DPYD: variants seen among roughly 807,000 people sequenced by gnomAD.
DPYD encodes the protein dihydropyrimidine dehydrogenase [NADP(+)].
A neutral mutation model predicts 116.2 loss-of-function variants in DPYD; 109 were observed. The ratio of observed to expected loss-of-function variants is 0.94; its 90% confidence interval spans 0.80 to 1.10. The LOEUF (loss-of-function observed/expected upper bound fraction) is 1.10, where lower values mean the gene tolerates loss of function less well. Among genes scored for constraint, DPYD ranks in the 50% least tolerant of loss-of-function variants. The probability of loss-of-function intolerance (pLI) is 0.00; values close to 1 mark genes in which losing one functional copy is unlikely to be tolerated. For synonymous variants in DPYD, 440 were observed against 432.0 expected (o/e 1.02, Z -0.23); for missense variants, 1,302 against 1,254.5 (o/e 1.04, Z -0.57).
chr1:97,235,095 C>T, intron 18 of DPYD, 101 bp from the exon 19 acceptor site: 1 of 1,353,400 alleles, frequency 7.4e-7, no homozygotes, highest in Non-Finnish European at 1.0e-6. Context: ...CGTCACTGGA[C>T]AAATTTCAAA....
At chr1:97,841,920 G>A (rs1185406945) in intron 2 of DPYD, among the ~76,000 whole-genome samples, 1 of 151,824 alleles carries the variant, frequency 6.6e-6, no homozygotes, top group East Asian at 1.9e-4. Context: ...GGCTTAAACA[G>A]AGTCTGACCC....
intron 3 of DPYD, among the ~76,000 whole-genome samples, chr1:97,751,442 G>A (rs1664885122): frequency 5.7e-5 from 2 of 35,362 alleles, no homozygotes; most frequent in Non-Finnish European, 1.1e-4. Flanking sequence ...GTGTGTGTGT[G>A]TGTGTGTGTG....
chr1:97,617,558 G>A (rs1352525129), intron 8 of DPYD, among the ~76,000 whole-genome samples: 2 of 152,140 alleles, frequency 1.3e-5, no homozygotes, highest in East Asian at 1.9e-4. Flanking sequence ...AACATTGAGA[G>A]TAAGTTCAGG....
chr1:97,121,021 A>G (rs921418127), intron 20 of DPYD, among the ~76,000 whole-genome samples: 1 of 152,176 alleles, frequency 6.6e-6, no homozygotes, highest in Non-Finnish European at 1.5e-5. Flanking sequence ...GGATCATAAA[A>G]TAACTCTGGT....
intron 12 of DPYD, among the ~76,000 whole-genome samples, chr1:97,530,383 A>G (rs1046920198): frequency 1.3e-5 from 2 of 151,560 alleles, no homozygotes; most frequent in Non-Finnish European, 2.9e-5. Flanking sequence ...ACGCCAGGCT[A>G]ATTTTTTGTA....
chr1:97,416,256 A>C (rs1269303165), intron 14 of DPYD, among the ~76,000 whole-genome samples: 1 of 152,208 alleles, frequency 6.6e-6, no homozygotes, highest in Non-Finnish European at 1.5e-5. Context: ...TTTGCCAACA[A>C]GGAATAAATT....
chr1:97,833,560 C>A (rs1005585943), intron 2 of DPYD, among the ~76,000 whole-genome samples: 1 of 152,116 alleles, frequency 6.6e-6, no homozygotes, highest in East Asian at 1.9e-4. Flanking sequence ...TGTCTACAGG[C>A]TAAGTCCTTA....
intron 5 of DPYD, among the ~76,000 whole-genome samples, chr1:97,699,905 T>G (rs1307174941): frequency 6.6e-6 from 1 of 152,094 alleles, no homozygotes; most frequent in African/African-American, 2.4e-5. Context: ...GAATGAATGT[T>G]AGTTCCCTGA....
chr1:97,439,329 T>C (rs375612802), intron 14 of DPYD, among the ~76,000 whole-genome samples: 2 of 152,290 alleles, frequency 1.3e-5, no homozygotes, highest in East Asian at 3.9e-4. Flanking sequence ...AAGGTATGTA[T>C]AGAACTGGCA....
At chr1:97,353,971 G>A (rs1233799540) in intron 16 of DPYD, among the ~76,000 whole-genome samples, 2 of 152,188 alleles carry the variant, frequency 1.3e-5, no homozygotes, top group Non-Finnish European at 2.9e-5. Context: ...GTCCAGATGA[G>A]GCCACTGACT....
chr1:97,230,152 T>G (rs910065028), intron 19 of DPYD, among the ~76,000 whole-genome samples: 1 of 152,160 alleles, frequency 6.6e-6, no homozygotes, highest in African/African-American at 2.4e-5. Context: ...CAAAGGAATA[T>G]AAATCATCCC....
At chr1:97,151,972 C>T (rs2101720733) in intron 20 of DPYD, among the ~76,000 whole-genome samples, 1 of 152,298 alleles carries the variant, frequency 6.6e-6, no homozygotes, top group Non-Finnish European at 1.5e-5. Context: ...AAGCTCTCTT[C>T]AGCCTGTCCT....
intron 18 of DPYD, among the ~76,000 whole-genome samples, chr1:97,291,603 C>T (rs575917107): frequency 1.2e-3 from 178 of 151,906 alleles, no homozygotes; most frequent in Non-Finnish European, 2.0e-3. Context: ...AACCAAACAC[C>T]GCATTTTCTC....
intron 1 of DPYD, among the ~76,000 whole-genome samples, chr1:97,903,256 T>C (rs539894915): frequency 6.6e-6 from 1 of 151,894 alleles, no homozygotes; most frequent in East Asian, 1.9e-4. Flanking sequence ...TCACAAAGAA[T>C]GAAATAGCTC....
At chr1:97,623,598 C>A (rs1656753486) in intron 8 of DPYD, among the ~76,000 whole-genome samples, 2 of 151,924 alleles carry the variant, frequency 1.3e-5, no homozygotes, top group South Asian at 4.1e-4. Flanking sequence ...AAAATTCCAA[C>A]TTTAATTTTC....
chr1:97,292,482 T>A (rs1264433689), intron 18 of DPYD, among the ~76,000 whole-genome samples: 1 of 152,148 alleles, frequency 6.6e-6, no homozygotes, highest in East Asian at 1.9e-4. Flanking sequence ...GAGAACAGCA[T>A]AGAGGTAACT....
At chr1:97,529,701 CTTTTT>C (rs989424948) in intron 12 of DPYD, among the ~76,000 whole-genome samples, 1 of 133,022 alleles carries the variant, frequency 7.5e-6, no homozygotes. Context: ...TCTTTCCTTT[CTTTTT>C]TCTTTCTTCC....
At chr1:97,135,305 A>G (rs116014441) in intron 20 of DPYD, among the ~76,000 whole-genome samples, 7,596 of 152,270 alleles carry the variant, frequency 0.05, 264 homozygotes, top group Middle Eastern at 0.11. Context: ...TCCATGTAAC[A>G]AAATTTTCCC....
chr1:97,546,789 T>C (rs1650900876), intron 12 of DPYD: 8 of 1,613,088 alleles, frequency 5.0e-6, no homozygotes, highest in East Asian at 2.2e-5. Flanking sequence ...CAGACTCCTA[T>C]ATGGGTTTGG....
Sources: gnomAD v4.1 joint callset for allele counts (sites outside exome capture counted in the v4.1 genomes callset) on GRCh38, gnomAD v4.1.1 for gene constraint, MANE v1.5 for transcripts, NCBI Gene and HGNC (gene_info 2026-07-23, HGNC 2026-07-21) for gene names.